Variants in ADGRB3 observed in about 807,000 individuals in gnomAD.
The protein encoded by ADGRB3 is brain-specific angiogenesis inhibitor 3.
Under a neutral mutation model 193.4 loss-of-function variants are expected in ADGRB3, and 37 were observed. That is an observed-to-expected ratio of 0.19 (90% CI 0.15 to 0.25). The LOEUF is 0.25. ADGRB3 is among the 10% of genes least tolerant of loss of function. ADGRB3 has a pLI of 1.00. For synonymous variants in ADGRB3, 690 were observed against 644.2 expected, an observed-to-expected ratio of 1.07 and a Z score of -1.08; for missense variants, 1,637 against 1,852.9, an observed-to-expected ratio of 0.88 and a Z score of 2.14.
At position 68,790,927 on chromosome 6, in the gene ADGRB3, T is replaced by C. The variant is rs181685645; in HGVS notation, c.758-139632T>C. ...CAGCTCCTCACCATTTATGACTGAT[T>C]TTTAAAATATCTTATATTGCCACTG... On this transcript the variant is annotated intron_variant, in intron 3 of 31. Coordinates refer to ENST00000370598, the MANE Select transcript of ADGRB3 (RefSeq NM_001704.3). 3.5e-3 allele frequency among the ~76,000 whole-genome samples: 536 copies of C among 152,152 alleles called. 6 individuals carry two copies. Among genetic ancestry groups the C allele is most frequent in the Non-Finnish European group, 4.2e-3 (288 of 67,996 alleles).
intron 17 of ADGRB3, among the ~76,000 whole-genome samples, chr6:69,119,582 A>T (rs1278163445): frequency 1.0e-5 from 1 of 100,204 alleles, no homozygotes; most frequent in Non-Finnish European, 2.3e-5. Context: ...AGGAAATAAG[A>T]TCTTTTGTTT....
chr6:68,706,211 G>A (rs748264614), intron 3 of ADGRB3, among the ~76,000 whole-genome samples: 1 of 152,116 alleles, frequency 6.6e-6, no homozygotes, highest in East Asian at 1.9e-4. Flanking sequence ...CCCCAAAGGA[G>A]CAAAGAGAAG....
chr6:68,967,813 G>A (rs1294291929), intron 8 of ADGRB3, among the ~76,000 whole-genome samples: 1 of 152,120 alleles, frequency 6.6e-6, no homozygotes, highest in African/African-American at 2.4e-5. Flanking sequence ...GTGTTTGAGG[G>A]GCAGTCAGTG....
chr6:69,191,228 G>GT (rs202238940), intron 17 of ADGRB3, among the ~76,000 whole-genome samples: 1,803 of 150,794 alleles, frequency 0.012, 18 homozygotes, highest in South Asian at 0.032. Flanking sequence ...TAGTTCAATG[G>GT]TTTTTTTTTC....
intron 17 of ADGRB3, among the ~76,000 whole-genome samples, chr6:69,201,360 T>G (rs146670723): frequency 2.6e-5 from 4 of 152,208 alleles, no homozygotes; most frequent in Non-Finnish European, 5.9e-5. Context: ...TGTTTCTTCC[T>G]GAACTTCTTT....
intron 26 of ADGRB3, among the ~76,000 whole-genome samples, chr6:69,352,612 G>T (rs1055583277): frequency 2.6e-5 from 4 of 152,190 alleles, no homozygotes; most frequent in Non-Finnish European, 5.9e-5. Flanking sequence ...GTGGACAGAG[G>T]TCTCATTATT....
intron 3 of ADGRB3, among the ~76,000 whole-genome samples, chr6:68,733,146 A>G (rs1328991173): frequency 6.6e-6 from 1 of 151,490 alleles, no homozygotes. Flanking sequence ...AAAGGAAGTC[A>G]GTTTCCCAAA....
At chr6:68,916,588 T>C (rs1766885658) in intron 3 of ADGRB3, among the ~76,000 whole-genome samples, 1 of 152,166 alleles carries the variant, frequency 6.6e-6, no homozygotes, top group Non-Finnish European at 1.5e-5. Context: ...TCTTTGCAAA[T>C]AATTAAAATT....
chr6:68,790,980 C>A (rs941654805), intron 3 of ADGRB3, among the ~76,000 whole-genome samples: 24 of 150,412 alleles, frequency 1.6e-4, no homozygotes, highest in African/African-American at 5.9e-4. Context: ...ACTTGGGAGA[C>A]TGAGGAGAGG....
At chr6:68,996,498 C>A (rs1769387724) in intron 11 of ADGRB3, among the ~76,000 whole-genome samples, 1 of 152,184 alleles carries the variant, frequency 6.6e-6, no homozygotes, top group African/African-American at 2.4e-5. Flanking sequence ...TAGTACACTC[C>A]ACATATGTAG....
intron 17 of ADGRB3, among the ~76,000 whole-genome samples, chr6:69,164,099 A>G (rs1286701567): frequency 2.0e-5 from 3 of 151,970 alleles, no homozygotes; most frequent in Admixed American, 6.6e-5. Flanking sequence ...TTTTTTCCCA[A>G]GGTGAAAGGA....
At chr6:69,205,195 A>G (rs146169553) in intron 17 of ADGRB3, among the ~76,000 whole-genome samples, 6 of 152,166 alleles carry the variant, frequency 3.9e-5, no homozygotes, top group African/African-American at 1.4e-4. Context: ...GCTAATGTCC[A>G]TTCAATATAA....
intron 8 of ADGRB3, among the ~76,000 whole-genome samples, chr6:68,974,068 T>G (rs191047431): frequency 1.3e-5 from 2 of 152,328 alleles, no homozygotes; most frequent in East Asian, 3.9e-4. Context: ...GTATTTTTAC[T>G]CTTTATGCTT....
chr6:69,000,510 G>A (rs1009494196), intron 11 of ADGRB3, among the ~76,000 whole-genome samples: 5 of 152,148 alleles, frequency 3.3e-5, no homozygotes, highest in Non-Finnish European at 7.4e-5. Context: ...GTAAGGTATA[G>A]GATAACTTTG....
Position 68,645,571 on chromosome 6 carries a change from T to C in ADGRB3, c.757+6139T>C, listed in dbSNP as rs1038072332. 3.4e-4 allele frequency among the ~76,000 whole-genome samples: 52 copies of C among 152,326 alleles called. 1 individual carries two copies. The highest frequency in any genetic ancestry group is 9.9e-4 in the African/African-American group (41 of 41,594). On this transcript the variant is annotated intron_variant, in intron 3 of 31. Coordinates refer to ENST00000370598, the MANE Select transcript of ADGRB3 (RefSeq NM_001704.3). Reference sequence around the variant, plus strand: ...TTGACAAGTGACTGAGCTTGACTAATTAATAAACTGAGAATAATACCTACT... The same window carrying C: ...TTGACAAGTGACTGAGCTTGACTAACTAATAAACTGAGAATAATACCTACT...
In ADGRB3 at chr6:69,361,043, A is replaced by G; in HGVS notation, c.3770A>G (p.His1257Arg). 1.9e-6 allele frequency: 3 copies of G among 1,612,900 alleles called. No individual in the cohort carries two copies. Among genetic ancestry groups the G allele is most frequent in the Non-Finnish European group, 2.5e-6 (3 of 1,179,282 alleles). Residue 1257 changes from histidine to arginine, a missense_variant, in exon 29 of 32, where the codon CAC becomes CGC. Transcript: ENST00000370598. ...KVIIQQPTGL[H>R]MPMSMNELSN... is the part of the protein sequence containing the mutation. The stretch of plus-strand genomic sequence containing the variant: ...ATCATCCAGCAACCCACAGGTTTGC[A>G]CATGCCCATGAGTATGAATGAGCTT...
chr6:68,914,136 A>T (rs1484732621), intron 3 of ADGRB3, among the ~76,000 whole-genome samples: 5 of 151,886 alleles, frequency 3.3e-5, no homozygotes, highest in African/African-American at 1.2e-4. Context: ...ATTATCCAGG[A>T]GAACTTCCCC....
At chr6:68,747,311 G>A (rs1219897388) in intron 3 of ADGRB3, among the ~76,000 whole-genome samples, 7 of 152,132 alleles carry the variant, frequency 4.6e-5, no homozygotes, top group Non-Finnish European at 8.8e-5. Context: ...TTCTCAGAGA[G>A]CAATGAATCA....
chr6:69,009,964 G>A (rs1769885926), intron 11 of ADGRB3, among the ~76,000 whole-genome samples: 1 of 152,084 alleles, frequency 6.6e-6, no homozygotes, highest in South Asian at 2.1e-4. Context: ...AATCTGCCAA[G>A]TGGATGCCAG....
Sources: allele counts gnomAD v4.1 joint callset (sites outside exome capture counted in the v4.1 genomes callset), GRCh38; gene constraint gnomAD v4.1.1; transcripts MANE v1.5; gene names NCBI Gene and HGNC (gene_info 2026-07-23, HGNC 2026-07-21).